The following ABCA12 variants were observed in gnomAD, a reference collection of about 807,000 sequenced individuals.
ABCA12 encodes the protein glucosylceramide transporter ABCA12.
ABCA12 carries 156 observed loss-of-function variants against 293.5 expected under a neutral mutation model. That is an observed-to-expected ratio of 0.53 (90% CI 0.47 to 0.61). ABCA12 has a LOEUF of 0.61. Ranked by LOEUF, ABCA12 falls within the 20% of genes least tolerant of loss-of-function variation. ABCA12 has a pLI of 0.00. For synonymous variants in ABCA12, 1,063 were observed against 1,108.0 expected (o/e 0.96, Z 0.81); for missense variants, 2,797 against 3,090.2 (o/e 0.91, Z 2.25).
At chr2:215,107,203 G>A (rs1286380232) in intron 2 of ABCA12, among the ~76,000 whole-genome samples, 1 of 152,178 alleles carries the variant, frequency 6.6e-6, no homozygotes, top group Non-Finnish European at 1.5e-5. Context: ...ATTAGGGGCT[G>A]CTTGCCTGGA....
intron 51 of ABCA12, among the ~76,000 whole-genome samples, chr2:214,935,942 C>A (rs1698205620): frequency 6.6e-6 from 1 of 152,042 alleles, no homozygotes; most frequent in Admixed American, 6.6e-5. Context: ...TCTCTAAAAT[C>A]ACTTCAAATT....
At chr2:214,978,218 C>G in intron 33 of ABCA12, 98 bp downstream of exon 33, 2 of 1,415,080 alleles carry the variant, frequency 1.4e-6, no homozygotes, top group South Asian at 1.2e-5. Flanking sequence ...TAGAATGAAA[C>G]TTTAGAGTTG....
chr2:214,939,328 G>A (rs1698322236), intron 50 of ABCA12, among the ~76,000 whole-genome samples: 1 of 152,130 alleles, frequency 6.6e-6, no homozygotes, highest in Admixed American at 6.6e-5. Context: ...CTATATATGT[G>A]TTTTGGTACC....
intron 44 of ABCA12, among the ~76,000 whole-genome samples, chr2:214,951,683 G>A (rs983211334): frequency 2.6e-5 from 4 of 152,160 alleles, no homozygotes; most frequent in East Asian, 3.9e-4. Context: ...CTTGAACCTG[G>A]GAGGCAGAGG....
In ABCA12 at chr2:214,970,378, G is replaced by C. The variant is rs745858876; in HGVS notation, c.5585C>G (p.Ser1862Cys). Residue 1862 changes from serine (S) to cysteine (C), a missense_variant, in exon 37 of 53, where the codon TCC (serine) becomes TGC (cysteine). Physicochemically the swap from Ser to Cys is moderately radical, Grantham distance 112. This residue lies in a region of ABCA12 where 2,130 missense variants were observed against 2,427.0 expected (regional missense o/e 0.88). Coordinates refer to ENST00000272895, the MANE Select transcript of ABCA12 (RefSeq NM_173076.3). ...NVQECPKFNYSPPHRRTYSSQ... is the reference protein window; with the variant it reads ...NVQECPKFNYCPPHRRTYSSQ... ...TGAGTAAGTTCTTCTGTGCGGTGGG[G>C]AATAGTTAAATTTAGGACATTCCTG... 1 of 1,613,254 alleles carries C rather than the reference G, an allele frequency of 6.2e-7. No homozygotes were observed. Among genetic ancestry groups the C allele is most frequent in the Admixed American group, 1.7e-5 (1 of 59,990 alleles).
chr2:214,935,112 T>C (rs1053531120), intron 51 of ABCA12, among the ~76,000 whole-genome samples: 6 of 152,212 alleles, frequency 3.9e-5, no homozygotes, highest in African/African-American at 1.4e-4. Flanking sequence ...TCCTCCCGCT[T>C]TGTGCATTGC....
chr2:215,054,828 T>C (rs1701389369), intron 3 of ABCA12, among the ~76,000 whole-genome samples, 164 bp from the exon 4 acceptor site: 1 of 152,080 alleles, frequency 6.6e-6, no homozygotes, highest in African/African-American at 2.4e-5. Flanking sequence ...CCAATGAATA[T>C]ATAAGGTCTC....
intron 7 of ABCA12, among the ~76,000 whole-genome samples, chr2:215,042,029 G>A (rs944155967): frequency 6.6e-6 from 1 of 152,136 alleles, no homozygotes; most frequent in African/African-American, 2.4e-5. Flanking sequence ...ATTAGAAAGG[G>A]AAATGGGAGT....
intron 23 of ABCA12, among the ~76,000 whole-genome samples, chr2:214,995,307 G>A (rs1445829109): frequency 6.6e-6 from 1 of 152,194 alleles, no homozygotes. Flanking sequence ...ATTTGAATGA[G>A]AAAGAAGTAG....
intron 22 of ABCA12, among the ~76,000 whole-genome samples, chr2:215,000,478 T>C (rs1474805392): frequency 6.6e-6 from 1 of 152,178 alleles, no homozygotes; most frequent in African/African-American, 2.4e-5. Flanking sequence ...TTTGGAGAGC[T>C]AAGGGTTTTT....
chr2:215,056,259 C>G (rs189604860), intron 3 of ABCA12, among the ~76,000 whole-genome samples: 2 of 152,162 alleles, frequency 1.3e-5, no homozygotes, highest in Admixed American at 1.3e-4. Context: ...ATCTGCTCCA[C>G]GGAGGACACT....
At chr2:215,096,241 C>T (rs571740933) in intron 2 of ABCA12, among the ~76,000 whole-genome samples, 4 of 152,174 alleles carry the variant, frequency 2.6e-5, no homozygotes, top group African/African-American at 7.2e-5. Flanking sequence ...TATTTTACTC[C>T]CCAACAATGC....
At chr2:214,952,511 G>A (rs958085675) in intron 44 of ABCA12, among the ~76,000 whole-genome samples, 18 of 152,122 alleles carry the variant, frequency 1.2e-4, no homozygotes, top group Middle Eastern at 3.4e-3. Context: ...GTGAGCCACC[G>A]CACCTTATAA....
chr2:215,056,228 T>A (rs1701416973), intron 3 of ABCA12, among the ~76,000 whole-genome samples: 1 of 152,068 alleles, frequency 6.6e-6, no homozygotes, highest in Non-Finnish European at 1.5e-5. Flanking sequence ...GCAAGTGTGC[T>A]CTTGGAGAAG....
intron 5 of ABCA12, among the ~76,000 whole-genome samples, chr2:215,052,187 T>C (rs1223281405): frequency 6.6e-6 from 1 of 152,150 alleles, no homozygotes; most frequent in Non-Finnish European, 1.5e-5. Flanking sequence ...TTTTTTTCTT[T>C]CCTGCTTCAG....
intron 11 of ABCA12, among the ~76,000 whole-genome samples, chr2:215,021,146 G>C (rs1394370059): frequency 2.0e-5 from 3 of 152,228 alleles, no homozygotes; most frequent in Middle Eastern, 6.3e-3. Context: ...ACTGTGGCCA[G>C]TCGACAATTT....
intron 1 of ABCA12, among the ~76,000 whole-genome samples, chr2:215,111,985 A>ATTGG (rs1702580067): frequency 6.6e-6 from 1 of 152,122 alleles, no homozygotes; most frequent in African/African-American, 2.4e-5. Flanking sequence ...ATTAACCCTG[A>ATTGG]TTGGTTACTT....
intron 14 of ABCA12, among the ~76,000 whole-genome samples, chr2:215,016,757 T>G (rs1357952277): frequency 2.0e-5 from 3 of 152,050 alleles, no homozygotes; most frequent in Admixed American, 2.0e-4. Flanking sequence ...GATCCTACAA[T>G]CATGTGAATT....
intron 3 of ABCA12, among the ~76,000 whole-genome samples, chr2:215,062,438 G>A (rs774202165): frequency 6.6e-6 from 1 of 151,984 alleles, no homozygotes; most frequent in Non-Finnish European, 1.5e-5. Context: ...CGTTCTCATA[G>A]ACAATGTATC....
Sources: allele counts gnomAD v4.1 joint callset (sites outside exome capture counted in the v4.1 genomes callset), GRCh38; gene constraint gnomAD v4.1.1; regional missense constraint gnomAD v4.1.1; transcripts MANE v1.5; gene names NCBI Gene and HGNC (gene_info 2026-07-23, HGNC 2026-07-21).